The following CCPG1 variants were observed in gnomAD, a reference collection of about 807,000 sequenced individuals.
CCPG1 encodes cell cycle progression 1.
Under a neutral mutation model 81.3 loss-of-function variants are expected in CCPG1, and 46 were observed. That is an observed-to-expected ratio of 0.57 (90% CI 0.45 to 0.72). The LOEUF (loss-of-function observed/expected upper bound fraction) is 0.72. Ranked by LOEUF, CCPG1 falls within the 30% of genes least tolerant of loss-of-function variation. The pLI is 0.00. For synonymous variants in CCPG1, 330 were observed against 305.2 expected (o/e 1.08, Z -0.85); for missense variants, 902 against 937.6 (o/e 0.96, Z 0.50).
At chr15:55,356,578 T>A (rs967699282) in intron 8 of CCPG1, 169 bp from the exon 9 acceptor site, 15 of 1,237,830 alleles carry the variant, frequency 1.2e-5, no homozygotes, top group African/African-American at 1.6e-5. Context: ...GAGTCTGTAT[T>A]AGTTTTTTTG....
At chr15:55,390,708 A>G (rs1333888702) in intron 1 of CCPG1, among the ~76,000 whole-genome samples, 1 of 152,096 alleles carries the variant, frequency 6.6e-6, no homozygotes, top group Non-Finnish European at 1.5e-5. Flanking sequence ...AGTCAGATCT[A>G]TATAATCTGT....
Position 55,393,627 on chromosome 15 carries a change from T to A in CCPG1, c.-9-4194A>T, listed in dbSNP as rs929266303. On this transcript the variant is annotated intron_variant, in intron 1 of 8. Coordinates refer to ENST00000442196, the MANE Select transcript of CCPG1 (RefSeq NM_001204450.2). ...TCTGAGAAGACATGAAAGGTTATTTTATTATTTTTATCATTATTTGGATGC... is the reference window on the plus strand; with the variant it reads ...TCTGAGAAGACATGAAAGGTTATTTAATTATTTTTATCATTATTTGGATGC... Among the ~76,000 whole-genome samples the A allele has an allele frequency of 1.2e-4, 19 of 152,116 alleles. 1 individual carries two copies. The highest frequency in any genetic ancestry group is 2.5e-4 in the Non-Finnish European group (17 of 68,022).
chr15:55,405,177 A>G lies in CCPG1; in HGVS notation c.-10+3044T>C, dbSNP rs145076831. 3.8e-4 allele frequency among the ~76,000 whole-genome samples: 58 copies of G among 151,126 alleles called. No homozygotes were observed. In the East Asian group the frequency reaches 0.011, roughly 29 times the overall value. On this transcript the variant is annotated intron_variant, in intron 1 of 8. Coordinates refer to ENST00000442196, the MANE Select transcript of CCPG1 (RefSeq NM_001204450.2). ...GGAGTTTGAGACCAGCCTGACCAAC[A>G]TGGAAAAAACTCTGTCTCTACTAAA... is the stretch of plus-strand genomic sequence containing the variant.
At chr15:55,397,017 C>G (rs1294429162) in intron 1 of CCPG1, among the ~76,000 whole-genome samples, 2 of 152,048 alleles carry the variant, frequency 1.3e-5, no homozygotes, top group Non-Finnish European at 2.9e-5. Flanking sequence ...CTGGCTAACA[C>G]AGTGAAACTC....
At chr15:55,377,527 T>A (rs1011189335) in intron 4 of CCPG1, among the ~76,000 whole-genome samples, 1 of 152,238 alleles carries the variant, frequency 6.6e-6, no homozygotes, top group Non-Finnish European at 1.5e-5. Context: ...TTTTAGGTTA[T>A]GTACGTAATA....
At chr15:55,375,159 T>C (rs1595838329) in intron 5 of CCPG1, among the ~76,000 whole-genome samples, 1 of 152,166 alleles carries the variant, frequency 6.6e-6, no homozygotes, top group African/African-American at 2.4e-5. Flanking sequence ...AGATAAATAT[T>C]AGAAGAATGG....
intron 7 of CCPG1, 92 bp from the exon 8 acceptor site, chr15:55,361,036 G>A (rs2056182338): frequency 9.8e-6 from 13 of 1,331,418 alleles, no homozygotes; most frequent in Admixed American, 6.6e-5. Flanking sequence ...ATAAGCTTTT[G>A]TGTCTTTACT....
In CCPG1 at chr15:55,355,359, G is replaced by A; in HGVS notation, c.*861C>T. ...TTCTTCCACACTCACTTGCCAGAGG[G>A]TCGAATTGGAAGTCACATATATGTC... On this transcript the variant is annotated 3_prime_UTR_variant, in exon 9 of 9. Transcript: ENST00000442196. 1 of 1,611,614 alleles carries A rather than the reference G, an allele frequency of 6.2e-7. No homozygotes were observed. The highest frequency in any genetic ancestry group is 8.5e-7 in the Non-Finnish European group (1 of 1,177,924).
intron 2 of CCPG1, among the ~76,000 whole-genome samples, chr15:55,386,519 A>G (rs2056802011): frequency 6.6e-6 from 1 of 152,206 alleles, no homozygotes; most frequent in Admixed American, 6.5e-5. Flanking sequence ...TGTCCCCACT[A>G]TAGTCTGCTG....
chr15:55,356,213 T>C lies in CCPG1; in HGVS notation c.*7A>G, dbSNP rs1381281347. The C allele has an allele frequency of 1.3e-6, 2 of 1,523,982 alleles. No homozygotes were observed. The highest frequency in any genetic ancestry group is 1.7e-6 in the Non-Finnish European group (2 of 1,143,626). 94.4% of individuals were successfully genotyped at this position (1,523,982 alleles called of 1,614,324 possible). The stretch of plus-strand genomic sequence containing the variant: ...CTTACAGTTGTCTAATTTAACTCAA[T>C]TGTGAATCAGTATTGAGGATCAAAA... On this transcript the variant is annotated 3_prime_UTR_variant, in exon 9 of 9. Transcript: ENST00000442196.
chr15:55,406,436 C>CTTTTTTTTTTTTTTTTTTTTTTTTTTTTT (rs143238270), intron 1 of CCPG1, among the ~76,000 whole-genome samples: 4 of 126,276 alleles, frequency 3.2e-5, no homozygotes, highest in Non-Finnish European at 4.9e-5. Context: ...TTCTTTTTCT[C>CTTTTTTTTTTTTTTTTTTTTTTTTTTTTT]TTTTTTTTTT....
In CCPG1 at chr15:55,362,341, GA is replaced by G. The variant is rs139033119; in HGVS notation, c.829-1398del. On this transcript the variant is annotated intron_variant, in intron 7 of 8. Coordinates refer to ENST00000442196, the MANE Select transcript of CCPG1 (RefSeq NM_001204450.2). ...TTCAGAAATAAGAAAAAAAAAAAAG[GA>G]AAAAAAAATACAAGTCCTTTAAGAG... Among the ~76,000 whole-genome samples the G allele has an allele frequency of 1.6e-3, 243 of 147,850 alleles. 2 individuals carry two copies. Among genetic ancestry groups the G allele is most frequent in the African/African-American group, 5.8e-3 (233 of 40,242 alleles).
chr15:55,406,757 GT>G (rs2057232772), intron 1 of CCPG1, among the ~76,000 whole-genome samples: 2 of 151,908 alleles, frequency 1.3e-5, no homozygotes, highest in Non-Finnish European at 2.9e-5. Flanking sequence ...TCTAAAAGAA[GT>G]TATGTTCACT....
At chr15:55,391,489 T>C (rs1239079003) in intron 1 of CCPG1, among the ~76,000 whole-genome samples, 1 of 152,186 alleles carries the variant, frequency 6.6e-6, no homozygotes, top group African/African-American at 2.4e-5. Flanking sequence ...ATGATATGTA[T>C]CAATGTCTAT....
chr15:55,406,444 T>C (rs2057224155), intron 1 of CCPG1, among the ~76,000 whole-genome samples: 1 of 132,620 alleles, frequency 7.5e-6, no homozygotes, highest in South Asian at 2.3e-4. Flanking sequence ...CTCTTTTTTT[T>C]TTTTTGTTTT....
chr15:55,396,380 G>C (rs1000969829), intron 1 of CCPG1, among the ~76,000 whole-genome samples: 2 of 152,154 alleles, frequency 1.3e-5, no homozygotes, highest in African/African-American at 4.8e-5. Flanking sequence ...GCTCTGTTTA[G>C]GCTCAGGCTT....
Position 55,356,313 on chromosome 15 carries a change from T to C in CCPG1, c.2331A>G (p.Glu777=). The stretch of plus-strand genomic sequence containing the variant: ...TGCGACCATATTTATGCCATTTACC[T>C]TCCCTTTTATAAGGCTGTGGCTGAA... The part of the protein sequence containing the change: ...KHLQPQPYKR[E]GKWHKYGRTN... The change falls in exon 9 of 9, where the codon GAA becomes GAG. Residue 777 remains glutamate (E), a synonymous_variant. Coordinates refer to ENST00000442196, the MANE Select transcript of CCPG1 (RefSeq NM_001204450.2). 1 of 1,535,608 alleles carries C rather than the reference T, an allele frequency of 6.5e-7. No individual in the cohort carries two copies. The highest frequency in any genetic ancestry group is 8.7e-7 in the Non-Finnish European group (1 of 1,146,674).
intron 7 of CCPG1, among the ~76,000 whole-genome samples, chr15:55,362,453 G>T (rs974906533): frequency 1.3e-4 from 19 of 152,000 alleles, no homozygotes; most frequent in African/African-American, 3.9e-4. Flanking sequence ...AACAAATAAA[G>T]ATTTAAAATT....
chr15:55,380,326 C>T (rs1279065745), intron 3 of CCPG1, among the ~76,000 whole-genome samples: 1 of 150,834 alleles, frequency 6.6e-6, no homozygotes, highest in Non-Finnish European at 1.5e-5. Context: ...GACGGAGTCC[C>T]CCTCTGTCGC....
Sources: allele counts gnomAD v4.1 joint callset (sites outside exome capture counted in the v4.1 genomes callset), GRCh38; gene constraint gnomAD v4.1.1; transcripts MANE v1.5; gene names NCBI Gene and HGNC (gene_info 2026-07-23, HGNC 2026-07-21).